CAST: variants seen among roughly 807,000 people sequenced by gnomAD.
CAST encodes MIR583 host.
Under a neutral mutation model 119.6 loss-of-function variants are expected in CAST, and 76 were observed. The observed-to-expected ratio is 0.64, with a 90% CI of 0.53 to 0.77. CAST has a LOEUF of 0.77. CAST is among the 30% of genes least tolerant of loss of function. The pLI is 0.00. For missense variants in CAST, 953 were observed against 946.5 expected, an observed-to-expected ratio of 1.01 and a Z score of -0.09; for synonymous variants, 319 against 331.6, an observed-to-expected ratio of 0.96 and a Z score of 0.41.
chr5:96,306,749 T>C, the CAST span, among the ~76,000 whole-genome samples: 1 of 152,186 alleles, frequency 6.6e-6, no homozygotes. Context: ...TTTTATGTAA[T>C]TGTGTGGTTT....
intron 1 of CAST, among the ~76,000 whole-genome samples, chr5:96,572,529 A>C (rs1746589620): frequency 8.1e-6 from 1 of 123,294 alleles, no homozygotes; most frequent in Non-Finnish European, 1.9e-5. Context: ...ATAACACTTC[A>C]CTTTGTGCAA....
chr5:96,609,586 A>C (rs1020963159), intron 1 of CAST, among the ~76,000 whole-genome samples: 2 of 152,308 alleles, frequency 1.3e-5, no homozygotes, highest in South Asian at 4.2e-4. Flanking sequence ...GAATATGTGA[A>C]TCACCCAGTA....
chr5:96,510,004 T>TA, the CAST span, among the ~76,000 whole-genome samples: 5 of 151,920 alleles, frequency 3.3e-5, no homozygotes, highest in African/African-American at 9.7e-5. Context: ...GATTTTTTTT[T>TA]AAAAAAATAA....
chr5:96,593,260 T>C (rs1252287267), intron 1 of CAST, among the ~76,000 whole-genome samples: 2 of 152,222 alleles, frequency 1.3e-5, no homozygotes, highest in Non-Finnish European at 2.9e-5. Flanking sequence ...TTCTTATCCT[T>C]GAAGCTTCAG....
At chr5:96,614,704 C>T (rs1180984806) in intron 1 of CAST, among the ~76,000 whole-genome samples, 1 of 151,632 alleles carries the variant, frequency 6.6e-6, no homozygotes, top group East Asian at 1.9e-4. Context: ...AGCCTCTCCC[C>T]AGGGGTGCCA....
At chr5:96,337,504 G>C in the CAST span, among the ~76,000 whole-genome samples, 1 of 152,222 alleles carries the variant, frequency 6.6e-6, no homozygotes. Context: ...AGTAACACTG[G>C]AAGTAAGATG....
chr5:96,317,288 A>G, the CAST span, among the ~76,000 whole-genome samples: 1 of 148,018 alleles, frequency 6.8e-6, no homozygotes, highest in East Asian at 2.0e-4. Context: ...ACATGGTGAA[A>G]CTGTGTCTGT....
chr5:96,093,508 C>T, the CAST span, among the ~76,000 whole-genome samples: 2 of 152,196 alleles, frequency 1.3e-5, no homozygotes, highest in Non-Finnish European at 2.9e-5. Context: ...GCCAGTCTGA[C>T]TGGAAAATAA....
the CAST span, among the ~76,000 whole-genome samples, chr5:96,479,810 G>C: frequency 1.3e-5 from 2 of 152,132 alleles, no homozygotes; most frequent in African/African-American, 4.8e-5. Context: ...ATGGAGTGAG[G>C]TGGGAATTGT....
Position 96,748,586 on chromosome 5 carries a change from AC to A in CAST, c.1403del (p.Pro468HisfsTer41). ...DFDRSECKEK[P>X]SKPTEKTEES... ...TTGACCGGTCTGAATGTAAAGAGAAACCATCTAAGCCAACTGAAAAGACAGA... is the reference window on the plus strand; with the variant it reads ...TTGACCGGTCTGAATGTAAAGAGAAACATCTAAGCCAACTGAAAAGACAGA... On this transcript the variant is annotated frameshift_variant, in exon 19 of 32. Transcript: ENST00000675179. LOFTEE classifies it high-confidence loss of function. The A allele has an allele frequency of 6.5e-7, 1 of 1,548,652 alleles. No individual in the cohort carries two copies. The highest frequency in any genetic ancestry group is 1.1e-5 in the South Asian group (1 of 89,486).
chr5:96,684,622 G>A (rs1751839195), intron 2 of CAST, among the ~76,000 whole-genome samples: 1 of 151,556 alleles, frequency 6.6e-6, no homozygotes, highest in Non-Finnish European at 1.5e-5. Context: ...GAGTGCAGTG[G>A]TGCAATCTTG....
intron 1 of CAST, among the ~76,000 whole-genome samples, chr5:96,621,822 T>A (rs988168745): frequency 2.0e-5 from 3 of 152,170 alleles, no homozygotes; most frequent in Non-Finnish European, 4.4e-5. Flanking sequence ...GACATCCTTC[T>A]GGAAGGTCAC....
At chr5:96,608,750 G>A (rs1474741570) in intron 1 of CAST, among the ~76,000 whole-genome samples, 1 of 152,166 alleles carries the variant, frequency 6.6e-6, no homozygotes, top group Admixed American at 6.5e-5. Flanking sequence ...CAGGAAGCAT[G>A]ACTGGGAAGA....
the CAST span, among the ~76,000 whole-genome samples, chr5:96,182,965 C>T: frequency 6.2e-4 from 94 of 151,832 alleles, 1 homozygote; most frequent in Admixed American, 2.8e-3. Context: ...AGTGAAACTC[C>T]GTCTCTACTA....
intron 1 of CAST, among the ~76,000 whole-genome samples, chr5:96,619,627 G>A (rs115387442): frequency 1.8e-4 from 28 of 152,258 alleles, no homozygotes; most frequent in South Asian, 6.2e-4. Flanking sequence ...CGCTCACTGC[G>A]AAGGTCTACA....
intron 3 of CAST, among the ~76,000 whole-genome samples, chr5:96,702,299 T>G (rs376833511): frequency 6.6e-6 from 1 of 152,212 alleles, no homozygotes; most frequent in South Asian, 2.1e-4. Context: ...TTTACAGCAG[T>G]ATAGACTCAT....
the CAST span, among the ~76,000 whole-genome samples, chr5:96,268,746 A>T: frequency 1.3e-5 from 2 of 152,216 alleles, no homozygotes; most frequent in Admixed American, 6.5e-5. Flanking sequence ...AATATATTCC[A>T]TGAAACTGGA....
chr5:96,340,578 G>A, the CAST span, among the ~76,000 whole-genome samples: 3 of 152,136 alleles, frequency 2.0e-5, no homozygotes, highest in African/African-American at 4.8e-5. Context: ...TGTTCACTCC[G>A]TTGACTGCCA....
the CAST span, among the ~76,000 whole-genome samples, chr5:96,338,874 C>A: frequency 2.0e-5 from 3 of 152,152 alleles, no homozygotes; most frequent in Admixed American, 6.6e-5. Context: ...TTTCTGTCTT[C>A]CTCTGTGTGC....
Sources: gnomAD v4.1 joint callset for allele counts (sites outside exome capture counted in the v4.1 genomes callset) on GRCh38, gnomAD v4.1.1 for gene constraint, MANE v1.5 for transcripts, NCBI Gene and HGNC (gene_info 2026-07-23, HGNC 2026-07-21) for gene names.